Variants in FLRT2 observed in about 807,000 individuals in gnomAD.
FLRT2 encodes fibronectin leucine rich transmembrane protein 2, also known as leucine-rich repeat transmembrane protein FLRT2.
In FLRT2, 15 loss-of-function variants were observed where a neutral mutation model predicts 40.0. The ratio of observed to expected loss-of-function variants is 0.38; its 90% confidence interval spans 0.25 to 0.58. FLRT2 has a LOEUF of 0.58. Among genes scored for constraint, FLRT2 ranks in the 20% least tolerant of loss-of-function variants. The pLI is 0.71. For synonymous variants in FLRT2, 380 were observed against 336.8 expected (o/e 1.13, Z -1.41); for missense variants, 726 against 840.0 (o/e 0.86, Z 1.68).
chr14:85,547,804 A>G lies in FLRT2; in HGVS notation c.-377+17270A>G, dbSNP rs139881906. On this transcript the variant is annotated intron_variant, in intron 1 of 1. Coordinates refer to ENST00000330753, the MANE Select transcript of FLRT2 (RefSeq NM_013231.6). The stretch of plus-strand genomic sequence containing the variant: ...TAGGGGCACAGCTTGGTTTGTGTAC[A>G]TTTTAGGGAGACATAAGACATCAGT... Among the ~76,000 whole-genome samples, 226 of 152,280 alleles carry G rather than the reference A, an allele frequency of 1.5e-3. 3 individuals carry two copies. Among genetic ancestry groups the G allele is most frequent in the African/African-American group, 5.2e-3 (216 of 41,572 alleles).
In FLRT2 at chr14:85,631,112, T is replaced by TATATATATATATATATATA. The variant is rs1893858889; in HGVS notation, c.*7615_*7616insATATATATATATATATATA. The TATATATATATATATATATA allele has an allele frequency of 3.3e-5, 3 of 91,862 alleles. No homozygotes were observed. Among genetic ancestry groups the TATATATATATATATATATA allele is most frequent in the Non-Finnish European group, 5.7e-5 (3 of 53,012 alleles). The allele number at this position is 91,862 out of a possible 1,614,324, so 5.7% of individuals were successfully genotyped here. A position where few individuals can be genotyped will look rare whatever the true frequency, so the allele number is the denominator to read the frequency against. On this transcript the variant is annotated 3_prime_UTR_variant, in exon 2 of 2. Transcript: ENST00000330753. Reference sequence around the variant, plus strand: ...TATAATTACATATATAATCTAGATTTTATATATATATATATATGAAATGAG... The same window carrying TATATATATATATATATATA: ...TATAATTACATATATAATCTAGATTTATATATATATATATATATATATATATATATATATATGAAATGAG...
rs1894060211 is a variant in FLRT2, at chr14:85,638,320, G to C, written c.*14823G>C. 1 of 152,172 alleles carries C rather than the reference G, an allele frequency of 6.6e-6. No homozygotes were observed. The highest frequency in any genetic ancestry group is 6.6e-5 in the Admixed American group (1 of 15,262). 9.4% of individuals were successfully genotyped at this position (152,172 alleles called of 1,614,324 possible). On this transcript the variant is annotated 3_prime_UTR_variant, in exon 2 of 2. Transcript: ENST00000330753. ...GGCTGAAGACAGAGTGCTTTCCCAT[G>C]GTTCTGTCTTTTTCTCCAGGCAACA...
intron 1 of FLRT2, among the ~76,000 whole-genome samples, chr14:85,555,431 C>T (rs534606903): frequency 1.3e-5 from 2 of 152,194 alleles, no homozygotes; most frequent in African/African-American, 4.8e-5. Flanking sequence ...AAAGCACATC[C>T]TACATGGCAG....
At position 85,639,716 on chromosome 14, in the gene FLRT2, A is replaced by G. The variant is rs1894101198; in HGVS notation, c.*16219A>G. 1 of 152,184 alleles carries G rather than the reference A, an allele frequency of 6.6e-6. No homozygotes were observed. Among genetic ancestry groups the G allele is most frequent in the Non-Finnish European group, 1.5e-5 (1 of 68,040 alleles). 9.4% of individuals were successfully genotyped at this position (152,184 alleles called of 1,614,324 possible). A position where few individuals can be genotyped will look rare whatever the true frequency, so the allele number is the denominator to read the frequency against. ...GATGGAAACACTGAAGCCCCCAGAAAGGACTGGCTAAGCTCTTACAATAAG... is the reference window on the plus strand; with the variant it reads ...GATGGAAACACTGAAGCCCCCAGAAGGGACTGGCTAAGCTCTTACAATAAG... On this transcript the variant is annotated 3_prime_UTR_variant, in exon 2 of 2. Transcript: ENST00000330753.
Position 85,548,219 on chromosome 14 carries a change from T to C in FLRT2, c.-377+17685T>C, listed in dbSNP as rs375705612. Among the ~76,000 whole-genome samples the C allele has an allele frequency of 6.2e-4, 94 of 152,350 alleles. 3 individuals are homozygous for C. In the South Asian group the frequency reaches 0.012, roughly 20 times the overall value. ...AGAGTACCACTCTGTCTACCTCATG[T>C]ATGCTACTTCCCATTAGATTTAAAT... On this transcript the variant is annotated intron_variant, in intron 1 of 1. Transcript: ENST00000330753.
At chr14:85,615,177 G>A (rs1893067676) in intron 1 of FLRT2, among the ~76,000 whole-genome samples, 1 of 152,182 alleles carries the variant, frequency 6.6e-6, no homozygotes, top group Admixed American at 6.5e-5. Flanking sequence ...TTTAAAGGGA[G>A]CCAGGGATGA....
chr14:85,594,904 A>T (rs1444633485), intron 1 of FLRT2, among the ~76,000 whole-genome samples: 1 of 152,242 alleles, frequency 6.6e-6, no homozygotes, highest in East Asian at 1.9e-4. Context: ...TATTATTGAC[A>T]GTATTCTTAC....
intron 1 of FLRT2, among the ~76,000 whole-genome samples, chr14:85,533,652 C>G (rs1461996937): frequency 2.0e-5 from 3 of 151,944 alleles, no homozygotes; most frequent in Admixed American, 6.6e-5. Context: ...TCGCGGCGGC[C>G]GAAGCCAAGA....
At chr14:85,557,456 C>G (rs915705580) in intron 1 of FLRT2, among the ~76,000 whole-genome samples, 1 of 151,916 alleles carries the variant, frequency 6.6e-6, no homozygotes, top group African/African-American at 2.4e-5. Context: ...AATGGGGCAC[C>G]TAGATTTTCA....
intron 1 of FLRT2, among the ~76,000 whole-genome samples, chr14:85,550,038 G>GAAA (rs5810259): frequency 6.8e-6 from 1 of 147,180 alleles, no homozygotes; most frequent in Non-Finnish European, 1.5e-5. Flanking sequence ...TTATTTCTGG[G>GAAA]AAAAAAAAAA....
chr14:85,535,128 A>G (rs537495407), intron 1 of FLRT2, among the ~76,000 whole-genome samples: 2 of 152,330 alleles, frequency 1.3e-5, no homozygotes, highest in African/African-American at 4.8e-5. Context: ...AGCCTCTTCT[A>G]AATGGGAGCT....
In FLRT2 at chr14:85,623,363, C is replaced by T. The variant is rs1893516959; in HGVS notation, c.1849C>T (p.Leu617Phe). The change falls in exon 2 of 2, where the codon CTC becomes TTC. Residue 617 changes from leucine to phenylalanine, a missense_variant. Leu to Phe is a conservative substitution (Grantham distance 22). Around this residue, in one of 3 missense-constraint regions of FLRT2, gnomAD observed 611 missense variants for 690.0 expected, o/e 0.89. Transcript: ENST00000330753. ...GATCGTCTCCTTAAATAACGATCAA[C>T]TCCTTAAAGGAGATTTCAGACTGCA... is the stretch of plus-strand genomic sequence containing the variant. ...FQIVSLNNDQ[L>F]LKGDFRLQPI... The T allele has an allele frequency of 6.6e-7, 1 of 1,526,338 alleles. No homozygotes were observed. Among genetic ancestry groups the T allele is most frequent in the Non-Finnish European group, 8.8e-7 (1 of 1,138,840 alleles). The allele number at this position is 1,526,338 out of a possible 1,614,324, so 94.5% of individuals were successfully genotyped here.
intron 1 of FLRT2, among the ~76,000 whole-genome samples, chr14:85,557,388 A>G (rs928722066): frequency 6.6e-6 from 1 of 152,166 alleles, no homozygotes; most frequent in Non-Finnish European, 1.5e-5. Flanking sequence ...TGTTGAATTA[A>G]TAAATCTTCT....
At chr14:85,561,652 A>G (rs1314521592) in intron 1 of FLRT2, among the ~76,000 whole-genome samples, 2 of 152,236 alleles carry the variant, frequency 1.3e-5, no homozygotes, top group East Asian at 1.9e-4. Context: ...CTCCGTTATT[A>G]CAGCAAATGA....
At position 85,634,045 on chromosome 14, in the gene FLRT2, G is replaced by C. The variant is rs965006398; in HGVS notation, c.*10548G>C. The C allele has an allele frequency of 1.3e-5, 2 of 152,100 alleles. No individual in the cohort carries two copies. The highest frequency in any genetic ancestry group is 2.9e-5 in the Non-Finnish European group (2 of 68,026). The allele number at this position is 152,100 out of a possible 1,614,324, so 9.4% of individuals were successfully genotyped here. On this transcript the variant is annotated 3_prime_UTR_variant, in exon 2 of 2. Transcript: ENST00000330753. ...GCAATCGATATCATTATTAAGTTTG[G>C]AAGCTGGTTGTTATTAACAGGCATG...
At chr14:85,615,883 T>C (rs975669189) in intron 1 of FLRT2, among the ~76,000 whole-genome samples, 3 of 152,258 alleles carry the variant, frequency 2.0e-5, no homozygotes, top group Admixed American at 1.3e-4. Flanking sequence ...TTATTTTCTG[T>C]ACTATGATTT....
chr14:85,583,182 T>C (rs901572716), intron 1 of FLRT2, among the ~76,000 whole-genome samples: 4 of 152,180 alleles, frequency 2.6e-5, no homozygotes, highest in African/African-American at 9.7e-5. Flanking sequence ...GAAGGTTAAA[T>C]TGTCTCTGCC....
chr14:85,603,848 C>T (rs182021034), intron 1 of FLRT2, among the ~76,000 whole-genome samples: 14 of 152,096 alleles, frequency 9.2e-5, no homozygotes, highest in East Asian at 3.9e-4. Context: ...CCAGCCTGGG[C>T]GACAGAGCGA....
intron 1 of FLRT2, among the ~76,000 whole-genome samples, chr14:85,535,354 C>A (rs1191269980): frequency 7.5e-5 from 11 of 147,124 alleles, no homozygotes; most frequent in Admixed American, 2.0e-4. Flanking sequence ...AGCCCCCCCC[C>A]AAAAAAAAAA....
Sources: allele counts gnomAD v4.1 joint callset (sites outside exome capture counted in the v4.1 genomes callset), GRCh38; gene constraint gnomAD v4.1.1; regional missense constraint gnomAD v4.1.1; transcripts MANE v1.5; gene names NCBI Gene and HGNC (gene_info 2026-07-23, HGNC 2026-07-21).